XPO6: variants seen among roughly 807,000 people sequenced by gnomAD.
XPO6 encodes exportin 6, also known as exportin-6.
In XPO6, 3 loss-of-function variants were observed where a neutral mutation model predicts 130.0. The ratio of observed to expected loss-of-function variants is 0.02; its 90% CI spans 0.01 to 0.06. The LOEUF (loss-of-function observed/expected upper bound fraction) is 0.06. XPO6 is among the 10% of genes least tolerant of loss of function. The pLI is 1.00. For synonymous variants in XPO6, 524 were observed against 548.9 expected, an observed-to-expected ratio of 0.95 and a Z score of 0.63; for missense variants, 970 against 1,393.0, an observed-to-expected ratio of 0.70 and a Z score of 4.83.
At chr16:28,193,899 C>G (rs764411082) in intron 1 of XPO6, among the ~76,000 whole-genome samples, 1 of 152,130 alleles carries the variant, frequency 6.6e-6, no homozygotes, top group African/African-American at 2.4e-5. Context: ...ATCCAACACC[C>G]TTCTTCTTCC....
intron 9 of XPO6, among the ~76,000 whole-genome samples, 193 bp from the exon 10 acceptor site, chr16:28,135,517 T>C (rs954796477): frequency 6.6e-6 from 1 of 152,020 alleles, no homozygotes; most frequent in Non-Finnish European, 1.5e-5. Flanking sequence ...ATTTATTTAA[T>C]GACGTACCAG....
At chr16:28,137,878 CTA>C (rs1425028378) in intron 9 of XPO6, among the ~76,000 whole-genome samples, 1 of 152,084 alleles carries the variant, frequency 6.6e-6, no homozygotes, top group African/African-American at 2.4e-5. Flanking sequence ...CACTCCCTCT[CTA>C]TCAGTCTCCA....
intron 1 of XPO6, among the ~76,000 whole-genome samples, chr16:28,190,353 C>T (rs2043766973): frequency 2.0e-5 from 3 of 151,806 alleles, no homozygotes; most frequent in South Asian, 4.2e-4. Context: ...CCAAGGAGCT[C>T]GGATTACAGG....
rs1389049525 is a variant in XPO6, at chr16:28,117,403, C to T, written c.1919G>A (p.Ser640Asn). The change falls in exon 15 of 24, where the codon AGT becomes AAT. Residue 640 changes from serine (S) to asparagine (N), a missense_variant. Ser to Asn is a conservative substitution (Grantham distance 46). Around this residue, in one of 4 missense-constraint regions of XPO6, gnomAD observed 936 missense variants for 1,306.8 expected, o/e 0.72. Coordinates refer to ENST00000304658, the MANE Select transcript of XPO6 (RefSeq NM_015171.4). ...AYSHWLAQYC[S>N]EVHRQNTQQF... The stretch of plus-strand genomic sequence containing the variant: ...CTGCGTGTTCTGCCGGTGAACTTCA[C>T]TGCAATACTGTGCTAACCAGTGAGA... 1.2e-6 allele frequency: 2 copies of T among 1,614,092 alleles called. No homozygotes were observed. The highest frequency in any genetic ancestry group is 1.1e-5 in the South Asian group (1 of 91,094).
intron 6 of XPO6, among the ~76,000 whole-genome samples, chr16:28,163,759 A>G (rs1387235831): frequency 1.3e-5 from 2 of 152,240 alleles, no homozygotes; most frequent in Non-Finnish European, 2.9e-5. Context: ...GGAAGTGGAC[A>G]GAATTGGTGA....
At chr16:28,172,099 C>T (rs961049170) in intron 4 of XPO6, among the ~76,000 whole-genome samples, 4 of 152,172 alleles carry the variant, frequency 2.6e-5, no homozygotes, top group Non-Finnish European at 4.4e-5. Flanking sequence ...AGCTCTCCTT[C>T]CTCTCACCAT....
chr16:28,137,470 T>C (rs2042802692), intron 9 of XPO6, among the ~76,000 whole-genome samples: 1 of 152,188 alleles, frequency 6.6e-6, no homozygotes, highest in African/African-American at 2.4e-5. Flanking sequence ...CCCAATCTAA[T>C]ACAGTTGAGT....
chr16:28,098,388 T>G lies in XPO6; in HGVS notation c.*150A>C, dbSNP rs1009100021. 8 of 645,268 alleles carry G rather than the reference T, an allele frequency of 1.2e-5. No homozygotes were observed. The highest frequency in any genetic ancestry group is 5.5e-5 in the African/African-American group (3 of 54,926). 40.0% of individuals were successfully genotyped at this position (645,268 alleles called of 1,614,324 possible). On this transcript the variant is annotated 3_prime_UTR_variant, in exon 24 of 24. Transcript: ENST00000304658. Reference sequence around the variant, plus strand: ...CCAGCTCTGCTGGGCAGCGGCAAGATGTGGAGGAGCGGCAGAGGCAGGCAG... The same window carrying G: ...CCAGCTCTGCTGGGCAGCGGCAAGAGGTGGAGGAGCGGCAGAGGCAGGCAG...
intron 1 of XPO6, among the ~76,000 whole-genome samples, chr16:28,203,348 T>C (rs956384383): frequency 3.4e-5 from 5 of 146,134 alleles, no homozygotes; most frequent in African/African-American, 1.3e-4. Flanking sequence ...AGGTGGGAGG[T>C]TGAAAAAGTA....
intron 6 of XPO6, among the ~76,000 whole-genome samples, chr16:28,162,223 G>A (rs1476108889): frequency 1.3e-5 from 2 of 152,214 alleles, no homozygotes; most frequent in African/African-American, 4.8e-5. Flanking sequence ...AAAGGTTGGG[G>A]TGAGGGAAAG....
At chr16:28,178,259 C>T (rs948294621) in intron 2 of XPO6, among the ~76,000 whole-genome samples, 4 of 152,098 alleles carry the variant, frequency 2.6e-5, no homozygotes, top group South Asian at 2.1e-4. Context: ...AATGCAACGA[C>T]GCAGTCTCAT....
chr16:28,152,072 T>TTGTGTG (rs1442814492), intron 8 of XPO6, among the ~76,000 whole-genome samples: 1 of 117,146 alleles, frequency 8.5e-6, no homozygotes, highest in African/African-American at 3.6e-5. Context: ...TATATATTTT[T>TTGTGTG]TATGTGTGTG....
chr16:28,145,639 A>G (rs2042969934), intron 9 of XPO6, among the ~76,000 whole-genome samples: 1 of 152,190 alleles, frequency 6.6e-6, no homozygotes. Flanking sequence ...TTTCAAACAC[A>G]TACAAATGGG....
chr16:28,100,638 G>A (rs991180647), intron 23 of XPO6, among the ~76,000 whole-genome samples: 3 of 152,252 alleles, frequency 2.0e-5, no homozygotes, highest in Non-Finnish European at 2.9e-5. Context: ...AGAACCCCAA[G>A]AGGACCAGGG....
intron 1 of XPO6, among the ~76,000 whole-genome samples, chr16:28,211,105 G>A (rs2044121563): frequency 1.3e-5 from 2 of 152,340 alleles, no homozygotes; most frequent in African/African-American, 4.8e-5. Flanking sequence ...ATTATCCGGA[G>A]GAGCTGCAGG....
chr16:28,098,723 T>C, intron 23 of XPO6, 84 bp from the exon 24 acceptor site: 1 of 1,008,410 alleles, frequency 9.9e-7, no homozygotes, highest in Non-Finnish European at 1.5e-6. Flanking sequence ...CATCCCAGAG[T>C]GTGCACTGAA....
chr16:28,186,116 T>A (rs2043687380), intron 1 of XPO6, among the ~76,000 whole-genome samples: 1 of 152,094 alleles, frequency 6.6e-6, no homozygotes, highest in Non-Finnish European at 1.5e-5. Context: ...AAGGGTGACA[T>A]AATTTGAGAT....
At chr16:28,188,060 A>T (rs1040698979) in intron 1 of XPO6, among the ~76,000 whole-genome samples, 5 of 152,140 alleles carry the variant, frequency 3.3e-5, no homozygotes. Flanking sequence ...ACCCCCTCTA[A>T]GCATAACCTT....
intron 18 of XPO6, 137 bp downstream of exon 18, chr16:28,107,385 C>T (rs745923842): frequency 4.8e-6 from 5 of 1,034,538 alleles, no homozygotes; most frequent in Non-Finnish European, 7.1e-6. Flanking sequence ...CTGCCCTTTC[C>T]CCTCAGTACC....
Sources: gnomAD v4.1 joint callset for allele counts (sites outside exome capture counted in the v4.1 genomes callset) on GRCh38, gnomAD v4.1.1 for gene constraint, gnomAD v4.1.1 regional missense constraint, MANE v1.5 for transcripts, NCBI Gene and HGNC (gene_info 2026-07-23, HGNC 2026-07-21) for gene names.